The following BTBD9 variants were observed in gnomAD, a reference collection of about 807,000 sequenced individuals.
BTBD9 encodes the protein BTB domain containing 9.
A neutral mutation model predicts 64.3 loss-of-function variants in BTBD9; 49 were observed. The observed-to-expected ratio is 0.76, with a 90% confidence interval of 0.61 to 0.97. The LOEUF (loss-of-function observed/expected upper bound fraction) is 0.97. BTBD9 is among the 50% of genes least tolerant of loss of function. BTBD9 has a pLI of 0.00. For synonymous variants in BTBD9, 260 were observed against 274.7 expected, an observed-to-expected ratio of 0.95 and a Z score of 0.53; for missense variants, 598 against 762.1, an observed-to-expected ratio of 0.78 and a Z score of 2.53.
rs1179359697 is a variant in BTBD9 at position 38,169,285 on chromosome 6, A to C, written c.*5700T>G. 1 of 152,448 alleles carries C rather than the reference A, an allele frequency of 6.6e-6. No homozygotes were observed. Among genetic ancestry groups the C allele is most frequent in the Non-Finnish European group, 1.5e-5 (1 of 68,254 alleles). 9.4% of individuals were successfully genotyped at this position (152,448 alleles called of 1,614,324 possible). On this transcript the variant is annotated 3_prime_UTR_variant, in exon 11 of 11. Transcript: ENST00000481247. ...AGGTGGGAAGTGTGGGCTGGGGGTA[A>C]ACCCAGCAACTCAGGACTAGCAGCA...
chr6:38,263,438 ACAACCT>A (rs1271545368), intron 8 of BTBD9, among the ~76,000 whole-genome samples: 1 of 152,208 alleles, frequency 6.6e-6, no homozygotes, highest in African/African-American at 2.4e-5. Flanking sequence ...TCTTTCCAGC[ACAACCT>A]CAAGGTGGAC....
intron 6 of BTBD9, among the ~76,000 whole-genome samples, chr6:38,405,018 G>A (rs1326451088): frequency 1.3e-5 from 2 of 152,108 alleles, no homozygotes; most frequent in South Asian, 2.1e-4. Context: ...GTTATGAAAC[G>A]ATCTTGTCTG....
At chr6:38,200,928 G>A (rs1299663268) in intron 9 of BTBD9, among the ~76,000 whole-genome samples, 1 of 152,138 alleles carries the variant, frequency 6.6e-6, no homozygotes, top group Non-Finnish European at 1.5e-5. Flanking sequence ...GCTGAGGCAG[G>A]AGAACTGCTT....
intron 7 of BTBD9, among the ~76,000 whole-genome samples, chr6:38,329,466 G>A (rs908469034): frequency 1.3e-5 from 2 of 151,780 alleles, no homozygotes; most frequent in African/African-American, 4.8e-5. Flanking sequence ...GGGATTACAG[G>A]GGCGTGCCAC....
At chr6:38,282,001 T>C (rs1761529193) in intron 8 of BTBD9, among the ~76,000 whole-genome samples, 1 of 152,208 alleles carries the variant, frequency 6.6e-6, no homozygotes, top group South Asian at 2.1e-4. Flanking sequence ...ATGCATAGCA[T>C]ATTTGAGTTC....
At chr6:38,634,401 T>C (rs1778462461) in intron 1 of BTBD9, among the ~76,000 whole-genome samples, 1 of 152,216 alleles carries the variant, frequency 6.6e-6, no homozygotes, top group South Asian at 2.1e-4. Context: ...CCTCTTCCTG[T>C]TTCTTTCCTG....
intron 4 of BTBD9, among the ~76,000 whole-genome samples, chr6:38,586,996 G>A (rs1274100181): frequency 6.6e-6 from 1 of 151,930 alleles, no homozygotes; most frequent in Non-Finnish European, 1.5e-5. Context: ...CCAGGAGGCT[G>A]AGGTTGCAGT....
At chr6:38,403,835 C>T (rs1301712427) in intron 6 of BTBD9, among the ~76,000 whole-genome samples, 1 of 152,138 alleles carries the variant, frequency 6.6e-6, no homozygotes, top group African/African-American at 2.4e-5. Flanking sequence ...CCCAAATATC[C>T]ATCAACTGAT....
chr6:38,359,001 G>A (rs1226419091), intron 6 of BTBD9, among the ~76,000 whole-genome samples: 1 of 151,922 alleles, frequency 6.6e-6, no homozygotes, highest in East Asian at 1.9e-4. Context: ...TCGATCTCCT[G>A]ACCTCATGAT....
chr6:38,330,483 T>C (rs1181222881), intron 7 of BTBD9, among the ~76,000 whole-genome samples: 3 of 152,046 alleles, frequency 2.0e-5, no homozygotes, highest in Non-Finnish European at 4.4e-5. Flanking sequence ...GCCCAGGAGT[T>C]TGAGGACAGC....
chr6:38,221,162 A>T (rs1464554155), intron 9 of BTBD9, among the ~76,000 whole-genome samples: 4 of 152,190 alleles, frequency 2.6e-5, no homozygotes, highest in Middle Eastern at 3.2e-3. Context: ...CAGGTAACAC[A>T]ATATTTATCT....
At chr6:38,408,011 T>C (rs78251185) in intron 6 of BTBD9, among the ~76,000 whole-genome samples, 1 of 152,224 alleles carries the variant, frequency 6.6e-6, no homozygotes, top group Non-Finnish European at 1.5e-5. Flanking sequence ...AGCTGATACA[T>C]AACCTAAAAT....
At chr6:38,318,816 G>A (rs1021482984) in intron 7 of BTBD9, among the ~76,000 whole-genome samples, 1 of 152,196 alleles carries the variant, frequency 6.6e-6, no homozygotes, top group Non-Finnish European at 1.5e-5. Flanking sequence ...CAATCAGCAG[G>A]TAGTGAAGCC....
At chr6:38,248,861 A>G (rs1228550882) in intron 9 of BTBD9, among the ~76,000 whole-genome samples, 2 of 152,254 alleles carry the variant, frequency 1.3e-5, no homozygotes, top group African/African-American at 2.4e-5. Context: ...TGATATGCAC[A>G]TGAAATATTA....
At chr6:38,400,391 T>C (rs1189582391) in intron 6 of BTBD9, among the ~76,000 whole-genome samples, 1 of 152,150 alleles carries the variant, frequency 6.6e-6, no homozygotes, top group Non-Finnish European at 1.5e-5. Flanking sequence ...TATTCCTTTC[T>C]CCTTTGCTCT....
intron 4 of BTBD9, among the ~76,000 whole-genome samples, chr6:38,591,461 T>C (rs1024561396): frequency 2.6e-5 from 4 of 152,222 alleles, no homozygotes; most frequent in Non-Finnish European, 1.5e-5. Flanking sequence ...TATTGTTGTA[T>C]TTAACTTTTC....
chr6:38,529,227 C>G (rs1773666998), intron 6 of BTBD9, among the ~76,000 whole-genome samples: 2 of 152,204 alleles, frequency 1.3e-5, no homozygotes, highest in Admixed American at 6.5e-5. Context: ...ATCACCCCTC[C>G]TCCAGTTCCA....
intron 6 of BTBD9, among the ~76,000 whole-genome samples, chr6:38,437,529 G>T (rs1474831587): frequency 6.6e-6 from 1 of 152,052 alleles, no homozygotes; most frequent in East Asian, 1.9e-4. Context: ...TGGGTTTATT[G>T]TTATTTCTTT....
intron 9 of BTBD9, among the ~76,000 whole-genome samples, chr6:38,234,301 G>C (rs1022922315): frequency 1.3e-5 from 2 of 152,188 alleles, no homozygotes; most frequent in African/African-American, 4.8e-5. Flanking sequence ...TTTCTGCAAA[G>C]AATATCTGAG....
Sources: allele counts gnomAD v4.1 joint callset (sites outside exome capture counted in the v4.1 genomes callset), GRCh38; gene constraint gnomAD v4.1.1; transcripts MANE v1.5; gene names NCBI Gene and HGNC (gene_info 2026-07-23, HGNC 2026-07-21).